Variants in MITF observed in about 807,000 individuals in gnomAD.
MITF encodes melanocyte inducing transcription factor.
Under a neutral mutation model 60.5 loss-of-function variants are expected in MITF, and 17 were observed. That is an observed-to-expected ratio of 0.28 (90% CI 0.19 to 0.42). The LOEUF (loss-of-function observed/expected upper bound fraction) is 0.42, where lower values mean the gene tolerates loss of function less well. Ranked by LOEUF, MITF falls within the 10% of genes least tolerant of loss-of-function variation. The pLI is 1.00. For missense variants in MITF, 622 were observed against 683.5 expected, an observed-to-expected ratio of 0.91 and a Z score of 1.00; for synonymous variants, 260 against 248.5, an observed-to-expected ratio of 1.05 and a Z score of -0.43.
intron 1 of MITF, among the ~76,000 whole-genome samples, chr3:69,822,617 T>C (rs2063293237): frequency 6.6e-6 from 1 of 152,092 alleles, no homozygotes; most frequent in South Asian, 2.1e-4. Context: ...AAAACTTAAT[T>C]ACCAGGAAAA....
At chr3:69,747,602 A>G (rs1010296174) in intron 1 of MITF, among the ~76,000 whole-genome samples, 2 of 152,272 alleles carry the variant, frequency 1.3e-5, no homozygotes, top group Non-Finnish European at 2.9e-5. Flanking sequence ...TGAAGTTAAC[A>G]TATGAATAGT....
intron 7 of MITF, among the ~76,000 whole-genome samples, chr3:69,953,684 GAGAGACAGAGAC>G (rs573498755): frequency 1.4e-5 from 2 of 143,964 alleles, no homozygotes; most frequent in Non-Finnish European, 3.0e-5. Context: ...GAGAGAGAGA[GAGAGACAGAGAC>G]AGAGACAGAG....
intron 1 of MITF, among the ~76,000 whole-genome samples, chr3:69,813,965 C>G (rs1351546526): frequency 6.6e-6 from 1 of 152,100 alleles, no homozygotes; most frequent in African/African-American, 2.4e-5. Context: ...TGCCTATCAA[C>G]AATATGGTTC....
chr3:69,748,026 T>A (rs375818025), intron 1 of MITF, among the ~76,000 whole-genome samples: 1 of 152,176 alleles, frequency 6.6e-6, no homozygotes, highest in Non-Finnish European at 1.5e-5. Context: ...CCTGAGATCA[T>A]GCTTCCTGTC....
chr3:69,891,800 A>G (rs553907212), intron 2 of MITF, among the ~76,000 whole-genome samples: 1 of 152,330 alleles, frequency 6.6e-6, no homozygotes, highest in Non-Finnish European at 1.5e-5. Context: ...GGCAAAGGAA[A>G]TGTTGCCTTG....
At chr3:69,915,900 C>T (rs917464667) in intron 2 of MITF, among the ~76,000 whole-genome samples, 28 of 152,172 alleles carry the variant, frequency 1.8e-4, no homozygotes, top group Non-Finnish European at 5.9e-5. Flanking sequence ...ATTGGTGGAT[C>T]CTCAGTCACA....
intron 1 of MITF, among the ~76,000 whole-genome samples, chr3:69,833,454 G>C (rs903104929): frequency 3.9e-5 from 6 of 152,024 alleles, no homozygotes; most frequent in Non-Finnish European, 5.9e-5. Flanking sequence ...TATTTACACT[G>C]TATGTGATTG....
At chr3:69,903,642 A>T (rs1026198335) in intron 2 of MITF, among the ~76,000 whole-genome samples, 12 of 144,364 alleles carry the variant, frequency 8.3e-5, no homozygotes, top group South Asian at 4.2e-4. Context: ...TGGCCTTTTT[A>T]AAAAAAAATA....
intron 1 of MITF, among the ~76,000 whole-genome samples, chr3:69,765,795 C>T (rs571909386): frequency 2.3e-4 from 35 of 152,190 alleles, no homozygotes; most frequent in Non-Finnish European, 3.4e-4. Flanking sequence ...TATTCAGTCT[C>T]GGGAAAATTT....
chr3:69,911,376 A>G (rs1200090841), intron 2 of MITF, among the ~76,000 whole-genome samples: 1 of 152,152 alleles, frequency 6.6e-6, no homozygotes, highest in Non-Finnish European at 1.5e-5. Flanking sequence ...TGATCATAGC[A>G]CACTGTGCCT....
chr3:69,879,933 A>G (rs2064447177), intron 2 of MITF, among the ~76,000 whole-genome samples: 1 of 152,110 alleles, frequency 6.6e-6, no homozygotes, highest in Admixed American at 6.5e-5. Flanking sequence ...TAGAGTAGAA[A>G]CTGCAGGAGC....
At position 69,927,792 on chromosome 3, in the gene MITF, G is replaced by A. The variant is rs1473697774; in HGVS notation, c.355-10030G>A. 4.6e-5 allele frequency among the ~76,000 whole-genome samples: 7 copies of A among 152,306 alleles called. No homozygotes were observed. In the East Asian group the frequency reaches 1.4e-3, roughly 29 times the overall value. ...AGATTAGGGATGCTGGGAGACAGCAGGCAGTTCACACATCACCCCCACAAC... is the reference window on the plus strand; with the variant it reads ...AGATTAGGGATGCTGGGAGACAGCAAGCAGTTCACACATCACCCCCACAAC... On this transcript the variant is annotated intron_variant, in intron 2 of 9. Coordinates refer to ENST00000352241, the MANE Select transcript of MITF (RefSeq NM_001354604.2).
intron 1 of MITF, among the ~76,000 whole-genome samples, chr3:69,831,140 G>C (rs1170755035): frequency 1.3e-5 from 2 of 152,134 alleles, no homozygotes; most frequent in African/African-American, 4.8e-5. Flanking sequence ...CTTAAATATT[G>C]GTTGCAATAA....
At chr3:69,949,838 T>C (rs2066197417) in intron 6 of MITF, among the ~76,000 whole-genome samples, 1 of 152,182 alleles carries the variant, frequency 6.6e-6, no homozygotes. Context: ...CATTCTACCA[T>C]GGTGAATTTT....
chr3:69,815,956 C>T (rs2107021197), intron 1 of MITF, among the ~76,000 whole-genome samples: 1 of 152,228 alleles, frequency 6.6e-6, no homozygotes, highest in Non-Finnish European at 1.5e-5. Context: ...TAGCCCTATA[C>T]CCAAGTGTGG....
At chr3:69,802,440 GT>G (rs2062936551) in intron 1 of MITF, among the ~76,000 whole-genome samples, 1 of 152,156 alleles carries the variant, frequency 6.6e-6, no homozygotes, top group Non-Finnish European at 1.5e-5. Context: ...AATCCAGGGA[GT>G]GAAATAAAGT....
intron 1 of MITF, among the ~76,000 whole-genome samples, chr3:69,776,932 C>G (rs1053267150): frequency 6.6e-6 from 1 of 152,134 alleles, no homozygotes; most frequent in African/African-American, 2.4e-5. Context: ...TCCACAAACA[C>G]TCTGTGGAAA....
intron 1 of MITF, among the ~76,000 whole-genome samples, chr3:69,770,753 T>C (rs776853205): frequency 1.3e-5 from 2 of 152,134 alleles, no homozygotes; most frequent in South Asian, 2.1e-4. Flanking sequence ...AAGGTCAAAA[T>C]TGAAGTCTAG....
intron 2 of MITF, among the ~76,000 whole-genome samples, chr3:69,908,482 C>T (rs1470447011): frequency 2.6e-5 from 4 of 152,012 alleles, no homozygotes; most frequent in African/African-American, 9.7e-5. Context: ...TTAAATTTGG[C>T]AATTCAAAAA....
Sources: allele counts gnomAD v4.1 joint callset (sites outside exome capture counted in the v4.1 genomes callset), GRCh38; gene constraint gnomAD v4.1.1; transcripts MANE v1.5; gene names NCBI Gene and HGNC (gene_info 2026-07-23, HGNC 2026-07-21).